DPP6: variants seen among roughly 807,000 people sequenced by gnomAD.
DPP6 encodes A-type potassium channel modulatory protein DPP6.
DPP6 carries 69 observed loss-of-function variants against 122.6 expected under a neutral mutation model. That is an observed-to-expected ratio of 0.56 (90% CI 0.46 to 0.69). The LOEUF (loss-of-function observed/expected upper bound fraction) is 0.69. DPP6 is among the 30% of genes least tolerant of loss of function. The probability of loss-of-function intolerance (pLI) is 0.00; values close to 1 mark genes in which losing one functional copy is unlikely to be tolerated. For synonymous variants in DPP6, 418 were observed against 433.1 expected (o/e 0.97, Z 0.43); for missense variants, 928 against 1,116.9 (o/e 0.83, Z 2.41).
intron 16 of DPP6, among the ~76,000 whole-genome samples, chr7:154,824,880 G>C (rs951243339): frequency 6.6e-5 from 10 of 152,166 alleles, no homozygotes; most frequent in Non-Finnish European, 1.3e-4. Flanking sequence ...GAGGCCACTG[G>C]AGAGAACCCC....
chr7:154,344,572 C>T (rs571043291), intron 1 of DPP6, among the ~76,000 whole-genome samples: 1 of 152,136 alleles, frequency 6.6e-6, no homozygotes, highest in African/African-American at 2.4e-5. Context: ...CTGCTACCAG[C>T]TGTACCAGCC....
chr7:154,350,973 G>T (rs1056475443), intron 1 of DPP6, among the ~76,000 whole-genome samples: 3 of 152,130 alleles, frequency 2.0e-5, no homozygotes, highest in Non-Finnish European at 4.4e-5. Context: ...ATTTTCAGAT[G>T]GGCTGGAGTC....
intron 3 of DPP6, among the ~76,000 whole-genome samples, chr7:154,530,726 G>C (rs961571883): frequency 6.6e-6 from 1 of 152,168 alleles, no homozygotes; most frequent in Non-Finnish European, 1.5e-5. Context: ...CAATAGCAAA[G>C]ACATGGAATC....
At chr7:153,939,210 G>A (rs1801589602) in intron 1 of DPP6, among the ~76,000 whole-genome samples, 1 of 152,108 alleles carries the variant, frequency 6.6e-6, no homozygotes, top group Admixed American at 6.6e-5. Flanking sequence ...TTCATATACA[G>A]TACAAATTCG....
chr7:154,034,170 A>G (rs1317183805), intron 1 of DPP6, among the ~76,000 whole-genome samples: 2 of 152,232 alleles, frequency 1.3e-5, no homozygotes, highest in Non-Finnish European at 2.9e-5. Flanking sequence ...TGTTCCTTCT[A>G]GGAAATAGTA....
chr7:154,775,211 TACTC>T (rs1796487966), intron 10 of DPP6, among the ~76,000 whole-genome samples: 2 of 152,192 alleles, frequency 1.3e-5, no homozygotes, highest in South Asian at 4.1e-4. Context: ...TCTGTCAAGT[TACTC>T]AGCCTCCCTG....
the DPP6 span, among the ~76,000 whole-genome samples, chr7:153,788,344 T>G: frequency 6.6e-6 from 1 of 152,208 alleles, no homozygotes; most frequent in African/African-American, 2.4e-5. Flanking sequence ...TGTTCAAAAT[T>G]AAGTCGTCTG....
intron 3 of DPP6, among the ~76,000 whole-genome samples, chr7:154,504,812 T>G (rs1175822059): frequency 6.6e-6 from 1 of 151,006 alleles, no homozygotes; most frequent in Non-Finnish European, 1.5e-5. Flanking sequence ...TTTTTTTTGC[T>G]GTGGAATGCT....
intron 1 of DPP6, among the ~76,000 whole-genome samples, chr7:154,237,314 A>G (rs1214368046): frequency 3.3e-5 from 5 of 152,192 alleles, no homozygotes; most frequent in Non-Finnish European, 7.3e-5. Context: ...GGGGGAATGA[A>G]CCAAACCACT....
chr7:154,297,584 G>A (rs1805625462), intron 1 of DPP6, among the ~76,000 whole-genome samples: 1 of 152,128 alleles, frequency 6.6e-6, no homozygotes, highest in Non-Finnish European at 1.5e-5. Flanking sequence ...AACAGAAGAA[G>A]GACTTGGACT....
the DPP6 span, among the ~76,000 whole-genome samples, chr7:153,879,788 A>C: frequency 6.6e-6 from 1 of 152,170 alleles, no homozygotes; most frequent in South Asian, 2.1e-4. Flanking sequence ...TCCTTTTTGT[A>C]TTCTAGTTTA....
chr7:154,847,452 GT>G (rs1345644627), intron 16 of DPP6, among the ~76,000 whole-genome samples: 1 of 151,716 alleles, frequency 6.6e-6, no homozygotes, highest in African/African-American at 2.4e-5. Flanking sequence ...GTTATGTCTT[GT>G]TTTTTTTTGT....
rs1465223867 is a variant in DPP6, at chr7:154,009,369, A to G, written c.51+121635A>G. 2.5e-5 allele frequency among the ~76,000 whole-genome samples: 3 copies of G among 118,296 alleles called. No homozygotes were observed. In the Admixed American group the frequency reaches 2.7e-4, roughly 11 times the overall value. The allele number at this position is 118,296 out of a possible 152,430, so 77.6% of individuals were successfully genotyped here. A position where few individuals can be genotyped will look rare whatever the true frequency, so the allele number is the denominator to read the frequency against. On this transcript the variant is annotated intron_variant, in intron 1 of 25. Transcript: ENST00000404039. The stretch of plus-strand genomic sequence containing the variant: ...GTGAGCTCACCCTCCTTGTAAGGCA[A>G]ACAGGGTTTAGCCAGCGCTCACCTT...
rs71184038 is a variant in DPP6, at chr7:154,821,628, G to GTATATATATA, written c.1666+14525_1666+14534dup. Among the ~76,000 whole-genome samples, 86 of 68,372 alleles carry GTATATATATA rather than the reference G, an allele frequency of 1.3e-3. 1 individual carries two copies. Among genetic ancestry groups the GTATATATATA allele is most frequent in the African/African-American group, 4.0e-3 (73 of 18,476 alleles). 44.9% of individuals were successfully genotyped at this position (68,372 alleles called of 152,430 possible). On this transcript the variant is annotated intron_variant, in intron 16 of 25. Coordinates refer to ENST00000377770, the MANE Select transcript of DPP6 (RefSeq NM_130797.4). The surrounding 1 kb of genome is among the most constrained non-coding windows in gnomAD (Gnocchi z 4.2). ...ATATATATATATATATTTTTTTTCT[G>GTATATATATA]TATATATATATATATATACACATAT... is the stretch of plus-strand genomic sequence containing the variant.
chr7:154,483,212 T>C lies in DPP6; in HGVS notation c.457+8175T>C, dbSNP rs1823473558. Reference sequence around the variant, plus strand: ...GGAGAAAATGCTCTAGGCGAGTTAGTGTGCTGCCGATTTTGTAACGGCAGA... The same window carrying C: ...GGAGAAAATGCTCTAGGCGAGTTAGCGTGCTGCCGATTTTGTAACGGCAGA... On this transcript the variant is annotated intron_variant, in intron 3 of 25. Coordinates refer to ENST00000377770, the MANE Select transcript of DPP6 (RefSeq NM_130797.4). The surrounding 1 kb of genome is among the most constrained non-coding windows in gnomAD (Gnocchi z 8.1). Among the ~76,000 whole-genome samples the C allele has an allele frequency of 1.3e-5, 2 of 152,114 alleles. No individual in the cohort carries two copies. The highest frequency in any genetic ancestry group is 4.2e-4 in the South Asian group (2 of 4,798).
chr7:153,883,275 C>G (rs1798803858), upstream of DPP6, among the ~76,000 whole-genome samples: 1 of 152,148 alleles, frequency 6.6e-6, no homozygotes, highest in African/African-American at 2.4e-5. Context: ...CAAATGGTTC[C>G]GAATTGAATT....
chr7:154,787,885 A>G (rs1424692451), intron 10 of DPP6, among the ~76,000 whole-genome samples: 1 of 152,066 alleles, frequency 6.6e-6, no homozygotes, highest in Non-Finnish European at 1.5e-5. Flanking sequence ...ATATCCTTCC[A>G]TTTCATCATG....
chr7:154,107,307 C>A (rs1485513647), intron 1 of DPP6, among the ~76,000 whole-genome samples: 1 of 152,180 alleles, frequency 6.6e-6, no homozygotes, highest in Non-Finnish European at 1.5e-5. Flanking sequence ...ACCTGGAGGA[C>A]ATTGTGTTAA....
In DPP6 at chr7:154,134,577, C is replaced by A. The variant is rs139814089; in HGVS notation, c.243+81514C>A. On this transcript the variant is annotated intron_variant, in intron 1 of 25. Transcript: ENST00000377770. Reference sequence around the variant, plus strand: ...TCACAAGGTCAAATCTGTGCAGATCCAAATGGTGTGTGGATCTAATTTTCT... The same window carrying A: ...TCACAAGGTCAAATCTGTGCAGATCAAAATGGTGTGTGGATCTAATTTTCT... Among the ~76,000 whole-genome samples the A allele has an allele frequency of 4.8e-3, 730 of 152,270 alleles. 5 individuals are homozygous for A. The highest frequency in any genetic ancestry group is 0.017 in the African/African-American group (699 of 41,554).
Sources: allele counts gnomAD v4.1 joint callset (sites outside exome capture counted in the v4.1 genomes callset), GRCh38; gene constraint gnomAD v4.1.1; non-coding constraint Gnocchi (gnomAD v3.1); transcripts MANE v1.5; gene names NCBI Gene and HGNC (gene_info 2026-07-23, HGNC 2026-07-21).